The following CACHD1 variants were observed in gnomAD, a reference collection of about 807,000 sequenced individuals.
The protein encoded by CACHD1 is cache domain containing 1.
Under a neutral mutation model 138.7 loss-of-function variants are expected in CACHD1, and 71 were observed. The observed-to-expected ratio is 0.51, with a 90% CI of 0.42 to 0.62. CACHD1 has a LOEUF of 0.62. Ranked by LOEUF, CACHD1 falls within the 20% of genes least tolerant of loss-of-function variation. The pLI, the probability that CACHD1 is intolerant of heterozygous loss-of-function variation, is 0.00. For synonymous variants in CACHD1, 578 were observed against 591.5 expected, an observed-to-expected ratio of 0.98 and a Z score of 0.33; for missense variants, 1,389 against 1,625.3, an observed-to-expected ratio of 0.85 and a Z score of 2.50.
rs1029091189 is a variant in CACHD1, at chr1:64,615,043, C to T, written c.517+12131C>T. On this transcript the variant is annotated intron_variant, in intron 4 of 26. Transcript: ENST00000651257. ...GCTCCTTTTCCTTGAGTCCTCCAGG[C>T]TCTAGCCTCAGGAAATCCCTTTCAT... is the stretch of plus-strand genomic sequence containing the variant. Among the ~76,000 whole-genome samples the T allele has an allele frequency of 2.0e-5, 3 of 152,290 alleles. No homozygotes were observed. The East Asian group carries it at 5.8e-4, about 29-fold the overall frequency.
chr1:64,675,348 G>T (rs1649949533), intron 19 of CACHD1, 53 bp from the exon 20 acceptor site: 1 of 1,437,150 alleles, frequency 7.0e-7, no homozygotes, highest in Non-Finnish European at 9.5e-7. Flanking sequence ...CCAAGGTAGG[G>T]CTGAGTCTTT....
chr1:64,561,543 T>C (rs548806218), intron 2 of CACHD1, among the ~76,000 whole-genome samples: 4 of 152,338 alleles, frequency 2.6e-5, no homozygotes, highest in South Asian at 2.1e-4. Context: ...AGTTTTTTAT[T>C]ATTTCTTGTA....
chr1:64,478,836 G>C (rs1397262808), intron 1 of CACHD1, among the ~76,000 whole-genome samples: 1 of 152,134 alleles, frequency 6.6e-6, no homozygotes, highest in Admixed American at 6.5e-5. Flanking sequence ...AAGGGTGAAG[G>C]GGGGCAGGAC....
intron 22 of CACHD1, 69 bp downstream of exon 22, chr1:64,677,080 A>G (rs192059272): frequency 4.8e-6 from 6 of 1,249,050 alleles, no homozygotes; most frequent in Non-Finnish European, 6.9e-6. Context: ...TTCGTGTTTT[A>G]AAAAGGTATG....
intron 1 of CACHD1, among the ~76,000 whole-genome samples, chr1:64,531,150 G>A (rs1429329819): frequency 1.3e-5 from 2 of 152,100 alleles, no homozygotes; most frequent in East Asian, 3.9e-4. Flanking sequence ...TTAATGTATT[G>A]TGGATAGAAT....
chr1:64,603,020 A>C (rs953467400), intron 4 of CACHD1, 108 bp downstream of exon 4: 1 of 589,520 alleles, frequency 1.7e-6, no homozygotes, highest in African/African-American at 2.0e-5. Context: ...GAAGTATTAT[A>C]TACTTAAGAT....
chr1:64,626,604 A>G (rs1254238846), intron 4 of CACHD1, among the ~76,000 whole-genome samples: 1 of 152,174 alleles, frequency 6.6e-6, no homozygotes, highest in African/African-American at 2.4e-5. Flanking sequence ...CACTCTCTGT[A>G]GTTACCCTGC....
At chr1:64,590,322 C>CA (rs67217249) in intron 3 of CACHD1, among the ~76,000 whole-genome samples, 958 of 86,090 alleles carry the variant, frequency 0.011, 16 homozygotes, top group African/African-American at 0.037. Flanking sequence ...GACTCTGTCT[C>CA]AAAAAAAAAA....
In CACHD1 at chr1:64,673,220, G is replaced by T; in HGVS notation, c.2573G>T (p.Gly858Val). 6.2e-7 allele frequency: 1 copy of T among 1,614,024 alleles called. No homozygotes were observed. Among genetic ancestry groups the T allele is most frequent in the Non-Finnish European group, 8.5e-7 (1 of 1,179,998 alleles). Residue 858 changes from glycine (G) to valine (V), a missense_variant, in exon 18 of 27, where the codon GGA becomes GTA. This residue lies in a region of CACHD1 where 1,000 missense variants were observed against 1,114.7 expected (regional missense o/e 0.90). Transcript: ENST00000651257. ...VAHPTLIDPK[G>V]HAPVEQQHIT... Reference sequence around the variant, plus strand: ...CACCCGACTCTCATCGACCCCAAAGGACATGCACCTGTGGAGCAGCAGCAC... The same window carrying T: ...CACCCGACTCTCATCGACCCCAAAGTACATGCACCTGTGGAGCAGCAGCAC...
chr1:64,652,281 C>T lies in CACHD1; in HGVS notation c.1511C>T (p.Ala504Val). 1 of 1,611,714 alleles carries T rather than the reference C, an allele frequency of 6.2e-7. No homozygotes were observed. The highest frequency in any genetic ancestry group is 8.5e-7 in the Non-Finnish European group (1 of 1,179,302). ...GTGACGTATTACCAAGACTCTTTGG[C>T]TTCCTATACTTTTCTCATAGACGAC... ...EDVTYYQDSLASYTFLIDDKG... is the reference protein window; with the variant it reads ...EDVTYYQDSLVSYTFLIDDKG... The change falls in exon 10 of 27, where the codon GCT (alanine) becomes GTT (valine). Residue 504 changes from alanine to valine, a missense_variant. This residue lies in a region of CACHD1 where 1,000 missense variants were observed against 1,114.7 expected (regional missense o/e 0.90). Coordinates refer to ENST00000651257, the MANE Select transcript of CACHD1 (RefSeq NM_020925.4).
intron 2 of CACHD1, among the ~76,000 whole-genome samples, chr1:64,575,108 T>C (rs777667625): frequency 1.3e-5 from 2 of 152,248 alleles, no homozygotes; most frequent in Non-Finnish European, 2.9e-5. Flanking sequence ...TCCACTATGA[T>C]AGTAAGAATA....
At chr1:64,554,678 T>C in intron 2 of CACHD1, among the ~76,000 whole-genome samples, 1 of 152,234 alleles carries the variant, frequency 6.6e-6, no homozygotes, top group East Asian at 1.9e-4. Flanking sequence ...TATCTATGAA[T>C]GCTCCTTGTC....
intron 1 of CACHD1, among the ~76,000 whole-genome samples, chr1:64,517,444 G>A (rs1646466896): frequency 6.6e-6 from 1 of 152,226 alleles, no homozygotes; most frequent in African/African-American, 2.4e-5. Context: ...GTGTGGGACA[G>A]GGGAGAGTTG....
At chr1:64,576,271 A>C (rs1048797195) in intron 2 of CACHD1, among the ~76,000 whole-genome samples, 1 of 152,206 alleles carries the variant, frequency 6.6e-6, no homozygotes, top group African/African-American at 2.4e-5. Context: ...TCTGTTGAGA[A>C]TGTCTTTGTT....
intron 1 of CACHD1, among the ~76,000 whole-genome samples, chr1:64,520,646 A>G (rs1411424808): frequency 2.6e-5 from 4 of 152,228 alleles, no homozygotes; most frequent in Non-Finnish European, 4.4e-5. Flanking sequence ...ACTGTTACTA[A>G]TGTCACGCTG....
Position 64,627,621 on chromosome 1 carries a change from C to T in CACHD1, c.518-1734C>T, listed in dbSNP as rs149050057. ...GAACCATCACCCCCACAATATCCTG[C>T]AAATCTTTGCAGCTCCCATTTCATA... On this transcript the variant is annotated intron_variant, in intron 4 of 26. Transcript: ENST00000651257. Among the ~76,000 whole-genome samples the T allele has an allele frequency of 7.9e-5, 12 of 152,206 alleles. No homozygotes were observed. In the East Asian group the frequency reaches 2.3e-3, roughly 29 times the overall value.
chr1:64,527,102 G>A (rs1646546391), intron 1 of CACHD1, among the ~76,000 whole-genome samples: 1 of 152,176 alleles, frequency 6.6e-6, no homozygotes, highest in Admixed American at 6.5e-5. Context: ...AAGGGCATCT[G>A]GTAAAATTGT....
chr1:64,538,364 T>A (rs1353156046), intron 1 of CACHD1, among the ~76,000 whole-genome samples: 1 of 152,234 alleles, frequency 6.6e-6, no homozygotes, highest in Non-Finnish European at 1.5e-5. Context: ...GATATATTTA[T>A]AATTATTTTT....
chr1:64,593,506 A>AAATT (rs1305006170), intron 3 of CACHD1, among the ~76,000 whole-genome samples: 1 of 152,228 alleles, frequency 6.6e-6, no homozygotes, highest in Non-Finnish European at 1.5e-5. Context: ...TCACAAGGTC[A>AAATT]AATAATGTGA....
Sources: gnomAD v4.1 joint callset for allele counts (sites outside exome capture counted in the v4.1 genomes callset) on GRCh38, gnomAD v4.1.1 for gene constraint, gnomAD v4.1.1 regional missense constraint, MANE v1.5 for transcripts, NCBI Gene and HGNC (gene_info 2026-07-23, HGNC 2026-07-21) for gene names.